Variants in SGCG observed in about 807,000 individuals in gnomAD.
SGCG encodes sarcoglycan gamma, also known as gamma-sarcoglycan.
A neutral mutation model predicts 29.3 loss-of-function variants in SGCG; 26 were observed. The ratio of observed to expected loss-of-function variants is 0.89; its 90% CI spans 0.65 to 1.23. The LOEUF is 1.23. Ranked by LOEUF, SGCG falls within the 50% of genes most tolerant of loss-of-function variation. The probability of loss-of-function intolerance (pLI) is 0.00; values close to 1 mark genes in which losing one functional copy is unlikely to be tolerated. For missense variants in SGCG, 353 were observed against 356.0 expected (o/e 0.99, Z 0.07); for synonymous variants, 145 against 129.7 (o/e 1.12, Z -0.80).
chr13:23,274,405 T>C (rs1303785206), intron 4 of SGCG, among the ~76,000 whole-genome samples: 11 of 137,276 alleles, frequency 8.0e-5, no homozygotes, highest in African/African-American at 2.7e-4. Flanking sequence ...CTTTTTTTTT[T>C]TTTTTTTTTT....
chr13:23,165,363 G>A, the SGCG span, among the ~76,000 whole-genome samples: 5 of 151,980 alleles, frequency 3.3e-5, no homozygotes, highest in African/African-American at 1.2e-4. Context: ...TATGAGATAA[G>A]GCAAATAATA....
chr13:23,266,719 A>G (rs1293936210), intron 4 of SGCG, among the ~76,000 whole-genome samples: 3 of 152,156 alleles, frequency 2.0e-5, no homozygotes, highest in Non-Finnish European at 4.4e-5. Flanking sequence ...GTAAATAAAT[A>G]AATTTAAATT....
chr13:23,311,178 AAT>A (rs1478269788), intron 6 of SGCG, among the ~76,000 whole-genome samples: 2 of 152,114 alleles, frequency 1.3e-5, no homozygotes, highest in African/African-American at 4.8e-5. Flanking sequence ...AGTATTTTAA[AAT>A]ATATTACTCA....
chr13:23,265,198 A>G (rs73168686), intron 4 of SGCG, among the ~76,000 whole-genome samples: 1 of 152,296 alleles, frequency 6.6e-6, no homozygotes, highest in Non-Finnish European at 1.5e-5. Flanking sequence ...ACTTGGGAAA[A>G]AAGATTTTTA....
At chr13:23,246,913 CCAA>C (rs1879733884) in intron 3 of SGCG, 1 of 155,086 alleles carries the variant, frequency 6.4e-6, no homozygotes, top group Admixed American at 6.5e-5. Context: ...AGCCACTTTC[CCAA>C]CCTGTATGTG....
chr13:23,231,147 T>C (rs781494458), intron 2 of SGCG, among the ~76,000 whole-genome samples: 8 of 152,208 alleles, frequency 5.3e-5, no homozygotes, highest in Non-Finnish European at 7.3e-5. Flanking sequence ...TACTTCTTCA[T>C]GGTGGATTAG....
At chr13:23,222,005 G>A (rs1369631590) in intron 2 of SGCG, among the ~76,000 whole-genome samples, 3 of 152,232 alleles carry the variant, frequency 2.0e-5, no homozygotes, top group African/African-American at 7.2e-5. Context: ...GATTGCTGAA[G>A]TGGAAGGTGA....
At chr13:23,279,847 C>T (rs933672518) in intron 5 of SGCG, among the ~76,000 whole-genome samples, 2 of 152,078 alleles carry the variant, frequency 1.3e-5, no homozygotes, top group Admixed American at 1.3e-4. Flanking sequence ...CCTGCCTCAG[C>T]CTCCCGAGTA....
chr13:23,164,303 C>T, the SGCG span, among the ~76,000 whole-genome samples: 18 of 152,162 alleles, frequency 1.2e-4, no homozygotes, highest in South Asian at 2.7e-3. Context: ...CCTCTGTCTT[C>T]GAGCACTTGC....
intron 6 of SGCG, among the ~76,000 whole-genome samples, chr13:23,312,984 C>T (rs1479241018): frequency 6.6e-6 from 1 of 152,012 alleles, no homozygotes; most frequent in African/African-American, 2.4e-5. Context: ...GTGAGTTACC[C>T]ATTCTTCAGC....
Position 23,301,291 on chromosome 13 carries a change from G to A in SGCG, c.578+5804G>A, listed in dbSNP as rs555967309. On this transcript the variant is annotated intron_variant, in intron 6 of 7. Transcript: ENST00000218867. ...AATGAGGGAAAAAATGAATAGAAAT[G>A]TAAGACAAAGACAAGATATTTTGAA... Among the ~76,000 whole-genome samples, 21 of 152,154 alleles carry A rather than the reference G, an allele frequency of 1.4e-4. No individual in the cohort carries two copies. In the South Asian group the frequency reaches 4.4e-3, roughly 32 times the overall value.
In SGCG at chr13:23,312,350, T is replaced by C. The variant is rs539359797; in HGVS notation, c.579-8287T>C. Among the ~76,000 whole-genome samples the C allele has an allele frequency of 4.6e-5, 7 of 152,314 alleles. No individual in the cohort carries two copies. The East Asian group carries it at 9.6e-4, about 21-fold the overall frequency. On this transcript the variant is annotated intron_variant, in intron 6 of 7. Transcript: ENST00000218867. ...TCTTTTCCAGAGGAGTAAATCCGGT[T>C]GATTTTGGTGTTTTGAAAACTAGAA...
At chr13:23,237,713 T>C (rs112733142) in intron 3 of SGCG, among the ~76,000 whole-genome samples, 6 of 151,970 alleles carry the variant, frequency 3.9e-5, no homozygotes, top group African/African-American at 1.4e-4. Context: ...AGGACAGACT[T>C]TAGACAGACT....
At chr13:23,211,908 C>T (rs2137513460) in intron 2 of SGCG, among the ~76,000 whole-genome samples, 1 of 152,238 alleles carries the variant, frequency 6.6e-6, no homozygotes, top group Middle Eastern at 3.4e-3. Flanking sequence ...ATTGTAATAC[C>T]TAGTGTTGAG....
intron 7 of SGCG, among the ~76,000 whole-genome samples, chr13:23,322,215 T>C (rs543838450): frequency 1.3e-5 from 2 of 152,290 alleles, no homozygotes; most frequent in South Asian, 4.1e-4. Flanking sequence ...CACCATTGCC[T>C]GACAGACCCT....
chr13:23,190,209 G>A (rs1287846115), intron 1 of SGCG, among the ~76,000 whole-genome samples: 4 of 152,122 alleles, frequency 2.6e-5, no homozygotes, highest in East Asian at 1.9e-4. Flanking sequence ...TAGTAAATTG[G>A]TATTTGAGAG....
chr13:23,248,673 G>A (rs1454360311), intron 3 of SGCG, among the ~76,000 whole-genome samples: 2 of 149,446 alleles, frequency 1.3e-5, no homozygotes, highest in Admixed American at 6.7e-5. Flanking sequence ...CAGCCTGGGC[G>A]GCGGAACTAG....
the SGCG span, among the ~76,000 whole-genome samples, chr13:23,174,221 GGCC>G: frequency 2.0e-5 from 3 of 152,192 alleles, no homozygotes; most frequent in Non-Finnish European, 4.4e-5. Context: ...ACCTACTCAA[GGCC>G]ACAGCTGTGG....
chr13:23,301,795 G>C (rs1882169420), intron 6 of SGCG, among the ~76,000 whole-genome samples: 1 of 151,942 alleles, frequency 6.6e-6, no homozygotes, highest in Admixed American at 6.6e-5. Context: ...GGAGGCTGAG[G>C]TAGAAGAATT....
Sources: gnomAD v4.1 joint callset for allele counts (sites outside exome capture counted in the v4.1 genomes callset) on GRCh38, gnomAD v4.1.1 for gene constraint, MANE v1.5 for transcripts, NCBI Gene and HGNC (gene_info 2026-07-23, HGNC 2026-07-21) for gene names.